The following BID variants were observed in gnomAD, a reference collection of about 807,000 sequenced individuals.
The protein encoded by BID is BH3-interacting domain death agonist.
Under a neutral mutation model 17.4 loss-of-function variants are expected in BID, and 19 were observed. That is an observed-to-expected ratio of 1.09 (90% confidence interval 0.76 to 1.60). The LOEUF is 1.60. Among genes scored for constraint, BID ranks in the 40% most tolerant of loss-of-function variants. The pLI is 0.00. For synonymous variants in BID, 108 were observed against 102.8 expected (o/e 1.05, Z -0.31); for missense variants, 226 against 256.0 (o/e 0.88, Z 0.80).
chr22:17,736,672 G>A (rs548562307), intron 5 of BID, among the ~76,000 whole-genome samples: 2 of 152,280 alleles, frequency 1.3e-5, no homozygotes, highest in East Asian at 3.9e-4. Flanking sequence ...AGGCTGGAGT[G>A]CAGTGGCACA....
At chr22:17,750,028 C>A in intron 2 of BID, 77 bp downstream of exon 2, 1 of 1,410,178 alleles carries the variant, frequency 7.1e-7, no homozygotes. Context: ...CTCAGGGATG[C>A]GTGGTGGGGG....
At chr22:17,748,789 G>A (rs919318144) in intron 2 of BID, among the ~76,000 whole-genome samples, 1 of 152,228 alleles carries the variant, frequency 6.6e-6, no homozygotes, top group Admixed American at 6.5e-5. Flanking sequence ...CGCGGGTGAC[G>A]GTGGTGTTCT....
chr22:17,736,627 ATGTT>A (rs1417419806), intron 5 of BID, among the ~76,000 whole-genome samples: 2 of 152,102 alleles, frequency 1.3e-5, no homozygotes, highest in African/African-American at 4.8e-5. Context: ...TGAACACTGT[ATGTT>A]TGTTTTTAGA....
rs1323735317 is a variant in BID at position 17,734,272 on chromosome 22, A to C, written c.*1308T>G. 1 of 152,134 alleles carries C rather than the reference A, an allele frequency of 6.6e-6. No homozygotes were observed. The highest frequency in any genetic ancestry group is 1.5e-5 in the Non-Finnish European group (1 of 68,000). 9.4% of individuals were successfully genotyped at this position (152,134 alleles called of 1,614,324 possible). On this transcript the variant is annotated 3_prime_UTR_variant, in exon 6 of 6. Coordinates refer to ENST00000622694, the MANE Select transcript of BID (RefSeq NM_001196.4). ...CGTGGTATGTATTGCATGCTGAACA[A>C]TATAGAGTTTGTTTTTCCTTTCTGA...
chr22:17,737,147 G>T (rs187958066), intron 5 of BID, among the ~76,000 whole-genome samples: 1 of 151,616 alleles, frequency 6.6e-6, no homozygotes, highest in African/African-American at 2.4e-5. Context: ...ACAGGGTCTC[G>T]CCATGTTGCT....
intron 1 of BID, among the ~76,000 whole-genome samples, chr22:17,754,141 ACT>A (rs1367466969): frequency 2.7e-5 from 4 of 149,040 alleles, no homozygotes; most frequent in African/African-American, 7.6e-5. Flanking sequence ...AGTCTCCAGG[ACT>A]CTGCCGGATG....
intron 2 of BID, among the ~76,000 whole-genome samples, chr22:17,749,813 T>A (rs1167976022): frequency 1.3e-5 from 2 of 152,200 alleles, no homozygotes; most frequent in Non-Finnish European, 2.9e-5. Flanking sequence ...CTATGGCTGT[T>A]AAATGGTCTT....
chr22:17,755,622 G>A (rs1275737878), intron 1 of BID, among the ~76,000 whole-genome samples: 1 of 151,948 alleles, frequency 6.6e-6, no homozygotes, highest in East Asian at 1.9e-4. Context: ...TCAACATGGT[G>A]AAACCTTGTC....
Position 17,769,071 on chromosome 22 carries a change from AAAT to A in BID, c.-59+5307_-59+5309del, listed in dbSNP as rs1419808938. On this transcript the variant is annotated intron_variant, in intron 1 of 5. Coordinates refer to ENST00000622694, the MANE Select transcript of BID (RefSeq NM_001196.4). The surrounding 1 kb of genome is among the most constrained non-coding windows in gnomAD (Gnocchi z 4.8). ...TAAATAAATAAATAAATAAATAAAT[AAAT>A]AATAACTAAATAAATAAAGAACAAG... 6.6e-6 allele frequency among the ~76,000 whole-genome samples: 1 copy of A among 151,224 alleles called. No homozygotes were observed. The highest frequency in any genetic ancestry group is 1.5e-5 in the Non-Finnish European group (1 of 67,906).
intron 1 of BID, among the ~76,000 whole-genome samples, chr22:17,755,585 G>A (rs928407647): frequency 1.3e-5 from 2 of 152,026 alleles, no homozygotes; most frequent in South Asian, 2.1e-4. Context: ...GGTGGATCAC[G>A]AGGTCAAGAG....
chr22:17,735,184 G>T lies in BID; in HGVS notation c.*396C>A. The T allele has an allele frequency of 4.8e-6, 1 of 208,444 alleles. No individual in the cohort carries two copies. The highest frequency in any genetic ancestry group is 9.8e-6 in the Non-Finnish European group (1 of 101,836). 12.9% of individuals were successfully genotyped at this position (208,444 alleles called of 1,614,324 possible). On this transcript the variant is annotated 3_prime_UTR_variant, in exon 6 of 6. Coordinates refer to ENST00000622694, the MANE Select transcript of BID (RefSeq NM_001196.4). ...TGCTGTAAGACCATCCTCTATGGTT[G>T]TACTTTAATAAACAGTAATTTTTTT...
At chr22:17,752,157 C>G (rs74524117) in intron 1 of BID, among the ~76,000 whole-genome samples, 5,328 of 152,328 alleles carry the variant, frequency 0.035, 297 homozygotes, top group African/African-American at 0.12. Flanking sequence ...GCCCATGTCA[C>G]AAGCAAACTG....
At chr22:17,756,415 TCTTTCTTTCTTTCTTTCTTC>T (rs1569047524) in intron 1 of BID, among the ~76,000 whole-genome samples, 93 of 131,342 alleles carry the variant, frequency 7.1e-4, no homozygotes, top group Admixed American at 1.6e-3. Context: ...TTTTTCTCTT[TCTTTCTTTCTTTCTTTCTTC>T]TTTCTTTCTT....
At chr22:17,754,306 C>T (rs1179988157) in intron 1 of BID, among the ~76,000 whole-genome samples, 2 of 152,282 alleles carry the variant, frequency 1.3e-5, no homozygotes, top group Non-Finnish European at 2.9e-5. Flanking sequence ...ACAAGGACCC[C>T]AGCAGGCACC....
chr22:17,753,096 A>G (rs1300808506), intron 1 of BID, among the ~76,000 whole-genome samples: 1 of 147,516 alleles, frequency 6.8e-6, no homozygotes, highest in Non-Finnish European at 1.5e-5. Context: ...CCTCCTGAGT[A>G]GCTAGGACTA....
Position 17,773,622 on chromosome 22 carries a change from G to A in BID, c.-59+759C>T. 1 of 1,612,582 alleles carries A rather than the reference G, an allele frequency of 6.2e-7. No individual in the cohort carries two copies. Among genetic ancestry groups the A allele is most frequent in the African/African-American group, 1.3e-5 (1 of 75,052 alleles). On this transcript the variant is annotated intron_variant, in intron 1 of 5. Coordinates refer to ENST00000622694, the MANE Select transcript of BID (RefSeq NM_001196.4). This position sits in a 1 kb window ranked among gnomAD's most constrained non-coding sequence, Gnocchi z 4.4. ...CCAGCCCACTTACAGAATCCGCACT[G>A]TGCTCCTCCAGCCGGCCCGGCCCCT...
intron 1 of BID, among the ~76,000 whole-genome samples, chr22:17,768,762 C>T (rs552393029): frequency 6.6e-6 from 1 of 152,058 alleles, no homozygotes; most frequent in South Asian, 2.1e-4. Flanking sequence ...GTCCCAGCTA[C>T]TCGGGAAGCT....
chr22:17,738,002 C>G lies in BID; in HGVS notation c.576+15G>C, dbSNP rs1354779703. The G allele has an allele frequency of 1.2e-6, 2 of 1,613,458 alleles. No individual in the cohort carries two copies. The highest frequency in any genetic ancestry group is 1.3e-5 in the African/African-American group (1 of 74,928). ...GGCGGCAGGCAGGGAAGGAGCTGAC[C>G]TCAAGGGTTCTTACATTTCTGGCTA... On this transcript the variant is annotated intron_variant, in intron 5 of 5. Coordinates refer to ENST00000622694, the MANE Select transcript of BID (RefSeq NM_001196.4).
At chr22:17,737,241 T>C (rs2061426601) in intron 5 of BID, among the ~76,000 whole-genome samples, 1 of 152,214 alleles carries the variant, frequency 6.6e-6, no homozygotes. Flanking sequence ...TGAGCCACCA[T>C]GCCCAGCCTT....
Sources: gnomAD v4.1 joint callset for allele counts (sites outside exome capture counted in the v4.1 genomes callset) on GRCh38, gnomAD v4.1.1 for gene constraint, Gnocchi (gnomAD v3.1) non-coding constraint, MANE v1.5 for transcripts, NCBI Gene and HGNC (gene_info 2026-07-23, HGNC 2026-07-21) for gene names.